SLMAP: variants seen among roughly 807,000 people sequenced by gnomAD.
SLMAP encodes sarcolemma associated protein.
Under a neutral mutation model 128.8 loss-of-function variants are expected in SLMAP, and 44 were observed. The ratio of observed to expected loss-of-function variants is 0.34; its 90% CI spans 0.27 to 0.44. The LOEUF is 0.44. Ranked by LOEUF, SLMAP falls within the 20% of genes least tolerant of loss-of-function variation. SLMAP has a pLI of 1.00. For missense variants in SLMAP, 787 were observed against 985.3 expected (o/e 0.80, Z 2.69); for synonymous variants, 327 against 348.8 (o/e 0.94, Z 0.70).
chr3:57,854,699 A>G (rs529980433), intron 6 of SLMAP, among the ~76,000 whole-genome samples: 141 of 152,362 alleles, frequency 9.3e-4, no homozygotes, highest in African/African-American at 3.3e-3. Flanking sequence ...CAATTAAGCC[A>G]TTATAAAGTA....
chr3:57,789,297 C>T (rs975973220), intron 2 of SLMAP, among the ~76,000 whole-genome samples: 8 of 152,008 alleles, frequency 5.3e-5, no homozygotes, highest in Admixed American at 1.3e-4. Flanking sequence ...TAGAGAGAGA[C>T]TGGGCTCACT....
At chr3:57,848,124 ATAT>A (rs1478761786) in intron 5 of SLMAP, among the ~76,000 whole-genome samples, 4 of 152,108 alleles carry the variant, frequency 2.6e-5, no homozygotes, top group Non-Finnish European at 5.9e-5. Context: ...ATAGGGGTGA[ATAT>A]TACAGCAACC....
At position 57,757,752 on chromosome 3, in the gene SLMAP, T is replaced by C; in HGVS notation, c.101T>C (p.Val34Ala). The C allele has an allele frequency of 3.1e-6, 5 of 1,614,140 alleles. No individual in the cohort carries two copies. The highest frequency in any genetic ancestry group is 4.2e-6 in the Non-Finnish European group (5 of 1,180,020). The change falls in exon 2 of 25, where the codon GTG becomes GCG. Residue 34 changes from valine to alanine, a missense_variant. Val to Ala is a moderately conservative substitution (Grantham distance 64, BLOSUM62 0). This residue lies in a region of SLMAP where 72 missense variants were observed against 141.8 expected (regional missense o/e 0.51). Coordinates refer to ENST00000671191, the MANE Select transcript of SLMAP (RefSeq NM_001377540.1). Reference protein sequence around the residue: ...LDEPIKIGRSVARCRPAQNNA... With the variant: ...LDEPIKIGRSAARCRPAQNNA... ...GAGCCCATCAAAATCGGCCGCTCAG[T>C]GGCCCGCTGTCGACCAGCGCAGAAT...
At chr3:57,849,690 A>C in intron 5 of SLMAP, 64 bp from the exon 6 acceptor site, 6 of 864,950 alleles carry the variant, frequency 6.9e-6, no homozygotes, top group African/African-American at 3.4e-5. Flanking sequence ...ATTTCAAGAA[A>C]TTGGTTTGTC....
chr3:57,886,847 G>A (rs1251919636), intron 14 of SLMAP, among the ~76,000 whole-genome samples: 1 of 152,018 alleles, frequency 6.6e-6, no homozygotes, highest in African/African-American at 2.4e-5. Context: ...GTGTTATATT[G>A]TTTTATTTAT....
At chr3:57,841,512 T>G in intron 4 of SLMAP, 141 bp downstream of exon 4, 1 of 420,536 alleles carries the variant, frequency 2.4e-6, no homozygotes, top group Non-Finnish European at 4.2e-6. Flanking sequence ...TTAGTACTTT[T>G]TGGAATATAA....
In SLMAP at chr3:57,922,869, T is replaced by C; in HGVS notation, c.2311-20T>C. 6.4e-7 allele frequency: 1 copy of C among 1,561,122 alleles called. No homozygotes were observed. Among genetic ancestry groups the C allele is most frequent in the Non-Finnish European group, 8.7e-7 (1 of 1,152,670 alleles). ...CCATTTTAAGTTGTATCTGCACACT[T>C]TTTTTTTCTTTGCCTTTAGTATGAA... On this transcript the variant is annotated intron_variant, in intron 22 of 24. Transcript: ENST00000671191.
At chr3:57,914,816 AG>A (rs1428584310) in intron 21 of SLMAP, among the ~76,000 whole-genome samples, 1 of 151,580 alleles carries the variant, frequency 6.6e-6, no homozygotes, top group African/African-American at 2.4e-5. Context: ...TCCTGACCTC[AG>A]GTGATCTGCC....
intron 2 of SLMAP, among the ~76,000 whole-genome samples, chr3:57,782,212 G>A (rs1014084708): frequency 1.3e-5 from 2 of 152,102 alleles, no homozygotes; most frequent in African/African-American, 2.4e-5. Context: ...TGTTCAAAGA[G>A]GACTTTTTCA....
At chr3:57,863,417 T>G (rs1263737121) in intron 10 of SLMAP, among the ~76,000 whole-genome samples, 2 of 152,230 alleles carry the variant, frequency 1.3e-5, no homozygotes, top group Non-Finnish European at 2.9e-5. Context: ...ATGATAGTTT[T>G]CAAAGTTGGT....
intron 21 of SLMAP, among the ~76,000 whole-genome samples, chr3:57,915,043 G>A (rs2153695422): frequency 6.6e-6 from 1 of 151,758 alleles, no homozygotes; most frequent in Admixed American, 6.6e-5. Context: ...GTGCCACCAT[G>A]CCTGGCTAAT....
chr3:57,891,852 C>CCAA (rs1560440507), intron 15 of SLMAP, among the ~76,000 whole-genome samples: 2 of 152,166 alleles, frequency 1.3e-5, no homozygotes, highest in East Asian at 3.8e-4. Context: ...GCTGGGATTA[C>CCAA]AGGTGTGAGC....
chr3:57,849,940 T>C, intron 6 of SLMAP, 124 bp downstream of exon 6: 2 of 637,148 alleles, frequency 3.1e-6, no homozygotes, highest in Non-Finnish European at 5.6e-6. Context: ...TTGGGAGGCC[T>C]AGGCAGAAGG....
intron 13 of SLMAP, among the ~76,000 whole-genome samples, chr3:57,866,899 G>C (rs1343739352): frequency 6.6e-6 from 1 of 151,948 alleles, no homozygotes; most frequent in Non-Finnish European, 1.5e-5. Context: ...CATGTCCGGG[G>C]CAGTGGCTCA....
chr3:57,925,940 A>G lies in SLMAP; in HGVS notation c.*6+6A>G, dbSNP rs537222909. The G allele has an allele frequency of 3.9e-6, 6 of 1,545,206 alleles. No individual in the cohort carries two copies. The Admixed American group carries it at 1.2e-4, about 30-fold the overall frequency. The stretch of plus-strand genomic sequence containing the variant: ...GTCCATTGTGGTAGAGAAAGGTACA[A>G]GCACTATTGTTGAGTCCTTGTCTGT... On this transcript the variant is annotated splice_donor_region_variant and intron_variant, in intron 24 of 24. Transcript: ENST00000671191.
At chr3:57,770,168 C>T (rs1484372151) in intron 2 of SLMAP, among the ~76,000 whole-genome samples, 5 of 152,282 alleles carry the variant, frequency 3.3e-5, no homozygotes, top group East Asian at 1.9e-4. Context: ...TCTTGCAGTG[C>T]GGTGTGGTGT....
At chr3:57,882,786 GT>G (rs1260440648) in intron 14 of SLMAP, among the ~76,000 whole-genome samples, 12 of 152,106 alleles carry the variant, frequency 7.9e-5, no homozygotes, top group Non-Finnish European at 1.8e-4. Context: ...GGGTGAGAGA[GT>G]TTGGAGCAAT....
chr3:57,836,348 A>T (rs1030409352), intron 3 of SLMAP, among the ~76,000 whole-genome samples: 11 of 152,180 alleles, frequency 7.2e-5, no homozygotes, highest in Non-Finnish European at 1.3e-4. Context: ...TGTATATGTT[A>T]AAAAATTTCA....
rs150433478 is a variant in SLMAP, at chr3:57,794,672, G to A, written c.199-36711G>A. Among the ~76,000 whole-genome samples, 629 of 152,012 alleles carry A rather than the reference G, an allele frequency of 4.1e-3. 6 individuals are homozygous for A. Among genetic ancestry groups the A allele is most frequent in the African/African-American group, 0.015 (610 of 41,460 alleles). ...TTTGCCTATCTGGACATTTTATATC[G>A]ATGGAATGATACAACATGTGGTCTT... On this transcript the variant is annotated intron_variant, in intron 2 of 24. Transcript: ENST00000671191.
Sources: allele counts gnomAD v4.1 joint callset (sites outside exome capture counted in the v4.1 genomes callset), GRCh38; gene constraint gnomAD v4.1.1; regional missense constraint gnomAD v4.1.1; transcripts MANE v1.5; gene names NCBI Gene and HGNC (gene_info 2026-07-23, HGNC 2026-07-21).